The following PCDHA7 variants were observed in gnomAD, a reference collection of about 807,000 sequenced individuals.
The protein encoded by PCDHA7 is protocadherin alpha 7, also known as protocadherin alpha-7.
A neutral mutation model predicts 57.2 loss-of-function variants in PCDHA7; 37 were observed. The observed-to-expected ratio is 0.65, with a 90% CI of 0.50 to 0.85. The LOEUF (loss-of-function observed/expected upper bound fraction) is 0.85, where lower values mean the gene tolerates loss of function less well. Ranked by LOEUF, PCDHA7 falls within the 40% of genes least tolerant of loss-of-function variation. The pLI is 0.00. For synonymous variants in PCDHA7, 553 were observed against 558.8 expected, an observed-to-expected ratio of 0.99 and a Z score of 0.15; for missense variants, 1,188 against 1,241.8, an observed-to-expected ratio of 0.96 and a Z score of 0.65.
chr5:140,909,996 T>G (rs549464312), intron 1 of PCDHA7, among the ~76,000 whole-genome samples: 5 of 152,310 alleles, frequency 3.3e-5, no homozygotes, highest in African/African-American at 1.2e-4. Context: ...ACAGCATAAA[T>G]TGTTGTCAGT....
intron 1 of PCDHA7, among the ~76,000 whole-genome samples, chr5:140,951,684 A>G (rs1392497741): frequency 3.3e-5 from 5 of 152,144 alleles, no homozygotes; most frequent in African/African-American, 1.2e-4. Flanking sequence ...GGGGATTACA[A>G]TGTGACATGA....
At chr5:140,977,126 T>C (rs782356713) in intron 1 of PCDHA7, among the ~76,000 whole-genome samples, 27 of 152,240 alleles carry the variant, frequency 1.8e-4, no homozygotes, top group Admixed American at 4.6e-4. Context: ...GAACTGAGTT[T>C]CCTGGTCAGT....
At chr5:140,863,138 T>C (rs781967810) in intron 1 of PCDHA7, 2 of 604,914 alleles carry the variant, frequency 3.3e-6, no homozygotes, top group Non-Finnish European at 6.4e-6. Context: ...CGCCTGCTGG[T>C]GCTGGTGAAG....
rs2150256494 is a variant in PCDHA7 at position 140,836,252 on chromosome 5, C to T, written c.1869C>T (p.Arg623=). 1.2e-6 allele frequency: 2 copies of T among 1,613,762 alleles called. No individual in the cohort carries two copies. Among genetic ancestry groups the T allele is most frequent in the Admixed American group, 1.7e-5 (1 of 60,020 alleles). The change falls in exon 1 of 4, where the codon CGC becomes CGT. Residue 623 remains arginine, a synonymous_variant. Transcript: ENST00000525929. ...CGGCCGGTGCGAGCATCCCGTTCCG[C>T]GTGGGGCTGTACACTGGTGAGATCA... ...PVAAGASIPF[R]VGLYTGEIST... is the part of the protein sequence containing the mutation.
At chr5:140,959,602 C>CTT (rs1554224184) in intron 1 of PCDHA7, among the ~76,000 whole-genome samples, 1 of 152,008 alleles carries the variant, frequency 6.6e-6, no homozygotes, top group African/African-American at 2.4e-5. Context: ...GTATAACATG[C>CTT]TTTTCTTGCT....
At chr5:140,883,113 G>A in intron 1 of PCDHA7, 2 of 1,614,086 alleles carry the variant, frequency 1.2e-6, no homozygotes, top group Non-Finnish European at 1.7e-6. Context: ...TACTCATTTA[G>A]AAGGCCTGTA....
intron 1 of PCDHA7, among the ~76,000 whole-genome samples, chr5:140,917,076 T>C (rs986884478): frequency 1.3e-5 from 2 of 152,124 alleles, no homozygotes; most frequent in East Asian, 3.9e-4. Flanking sequence ...CCGAGTTTAA[T>C]GTAAAGTTCC....
intron 3 of PCDHA7, among the ~76,000 whole-genome samples, chr5:141,002,161 G>T (rs1554258540): frequency 6.6e-6 from 1 of 152,208 alleles, no homozygotes; most frequent in Non-Finnish European, 1.5e-5. Flanking sequence ...CAGAGTGGGC[G>T]GTAGGCAGGC....
Position 140,843,785 on chromosome 5 carries a change from A to G in PCDHA7, c.2355+7047A>G. 2 of 1,419,854 alleles carry G rather than the reference A, an allele frequency of 1.4e-6. 1 individual carries two copies. Among genetic ancestry groups the G allele is most frequent in the South Asian group, 2.6e-5 (2 of 76,630 alleles). The allele number at this position is 1,419,854 out of a possible 1,614,324, so 88.0% of individuals were successfully genotyped here. ...ATTGTAGTTACTTTAAAAGTGTTTCAGATTTAGTTTTTCACCGTATTTTAT... is the reference window on the plus strand; with the variant it reads ...ATTGTAGTTACTTTAAAAGTGTTTCGGATTTAGTTTTTCACCGTATTTTAT... On this transcript the variant is annotated intron_variant, in intron 1 of 3. Coordinates refer to ENST00000525929, the MANE Select transcript of PCDHA7 (RefSeq NM_018910.3).
At chr5:140,849,771 A>G in intron 1 of PCDHA7, 1 of 1,598,330 alleles carries the variant, frequency 6.3e-7, no homozygotes, top group Non-Finnish European at 8.6e-7. Flanking sequence ...GCTGGTGGTT[A>G]CCGCGCGGGA....
At chr5:140,871,344 G>T in intron 1 of PCDHA7, 1 of 1,614,200 alleles carries the variant, frequency 6.2e-7, no homozygotes, top group Non-Finnish European at 8.5e-7. Context: ...TGGGGAGCTG[G>T]TCATACTCGC....
chr5:140,943,505 T>C (rs938907371), intron 1 of PCDHA7, among the ~76,000 whole-genome samples: 13 of 152,106 alleles, frequency 8.5e-5, no homozygotes, highest in Non-Finnish European at 1.8e-4. Flanking sequence ...TCAAGGTTCA[T>C]GGAAATGTTG....
At chr5:140,892,537 CTT>C (rs570429050) in intron 1 of PCDHA7, among the ~76,000 whole-genome samples, 2 of 152,252 alleles carry the variant, frequency 1.3e-5, no homozygotes, top group South Asian at 4.1e-4. Flanking sequence ...AGGATTCTGA[CTT>C]TTGTTTCTCT....
chr5:140,962,087 A>G (rs1284028102), intron 1 of PCDHA7, among the ~76,000 whole-genome samples: 10 of 151,912 alleles, frequency 6.6e-5, no homozygotes, highest in Non-Finnish European at 1.3e-4. Flanking sequence ...GGGTTTCACC[A>G]TGTTAGCCAG....
chr5:140,842,051 C>A, intron 1 of PCDHA7: 1 of 1,613,852 alleles, frequency 6.2e-7, no homozygotes, highest in Non-Finnish European at 8.5e-7. Context: ...CACTTTCGAA[C>A]AGTCTGAATA....
intron 1 of PCDHA7, chr5:140,882,140 T>C (rs1010543120): frequency 7.4e-6 from 11 of 1,490,760 alleles, no homozygotes; most frequent in Admixed American, 4.6e-5. Flanking sequence ...GCAGAAAATA[T>C]AGCAGAAAGC....
At chr5:140,848,653 GGCTGGA>G (rs2150416251) in intron 1 of PCDHA7, 2 of 1,592,726 alleles carry the variant, frequency 1.3e-6, no homozygotes, top group Non-Finnish European at 1.7e-6. Context: ...CAGGACCTGG[GGCTGGA>G]GCTGGCGGAG....
intron 1 of PCDHA7, among the ~76,000 whole-genome samples, chr5:140,885,206 A>G (rs1304868227): frequency 1.3e-5 from 2 of 152,038 alleles, no homozygotes; most frequent in Non-Finnish European, 2.9e-5. Context: ...CATATATCCC[A>G]TGAAAAATAT....
At chr5:140,878,906 C>T (rs1320249788) in intron 1 of PCDHA7, among the ~76,000 whole-genome samples, 2 of 152,210 alleles carry the variant, frequency 1.3e-5, no homozygotes, top group African/African-American at 4.8e-5. Flanking sequence ...CAGGCTCCAC[C>T]ACTCCCAGCT....
Sources: gnomAD v4.1 joint callset for allele counts (sites outside exome capture counted in the v4.1 genomes callset) on GRCh38, gnomAD v4.1.1 for gene constraint, MANE v1.5 for transcripts, NCBI Gene and HGNC (gene_info 2026-07-23, HGNC 2026-07-21) for gene names.